Variants in PDZRN4 observed in about 807,000 individuals in gnomAD.
The protein encoded by PDZRN4 is PDZ domain containing ring finger 4.
In PDZRN4, 70 loss-of-function variants were observed where a neutral mutation model predicts 99.0. The ratio of observed to expected loss-of-function variants is 0.71; its 90% CI spans 0.58 to 0.86. PDZRN4 has a LOEUF of 0.86. Among genes scored for constraint, PDZRN4 ranks in the 40% least tolerant of loss-of-function variants. The pLI is 0.00. For missense variants in PDZRN4, 1,474 were observed against 1,331.2 expected, an observed-to-expected ratio of 1.11 and a Z score of -1.67; for synonymous variants, 551 against 501.6, an observed-to-expected ratio of 1.10 and a Z score of -1.32.
chr12:41,215,277 A>G (rs1462824096), intron 3 of PDZRN4, among the ~76,000 whole-genome samples: 1 of 152,066 alleles, frequency 6.6e-6, no homozygotes, highest in Non-Finnish European at 1.5e-5. Context: ...GTATTAACTA[A>G]GGACTTCTAG....
At chr12:41,215,350 A>G (rs1041648853) in intron 3 of PDZRN4, among the ~76,000 whole-genome samples, 11 of 152,044 alleles carry the variant, frequency 7.2e-5, no homozygotes, top group Non-Finnish European at 1.2e-4. Context: ...TACTTGTTAA[A>G]AACGCAGATT....
At chr12:41,393,707 T>A (rs779443212) in intron 3 of PDZRN4, among the ~76,000 whole-genome samples, 9 of 152,180 alleles carry the variant, frequency 5.9e-5, no homozygotes, top group Non-Finnish European at 1.0e-4. Flanking sequence ...GATTATTTTC[T>A]CTATGTAGGG....
intron 3 of PDZRN4, among the ~76,000 whole-genome samples, chr12:41,320,628 T>A (rs1951670434): frequency 6.6e-6 from 1 of 152,210 alleles, no homozygotes. Flanking sequence ...GACCTCAGGC[T>A]GTCCTGCAAT....
intron 3 of PDZRN4, among the ~76,000 whole-genome samples, chr12:41,366,095 G>A (rs1441058432): frequency 6.6e-6 from 1 of 152,122 alleles, no homozygotes; most frequent in South Asian, 2.1e-4. Flanking sequence ...AGAGATGAGA[G>A]CAAGGTATTT....
intron 5 of PDZRN4, among the ~76,000 whole-genome samples, chr12:41,530,075 T>C (rs1938635635): frequency 6.6e-6 from 1 of 152,236 alleles, no homozygotes; most frequent in African/African-American, 2.4e-5. Context: ...TATTATACTT[T>C]TAGAACAACG....
intron 3 of PDZRN4, among the ~76,000 whole-genome samples, chr12:41,383,046 A>T (rs1363366382): frequency 1.3e-5 from 2 of 152,204 alleles, no homozygotes; most frequent in Admixed American, 1.3e-4. Flanking sequence ...AGTGAATTCC[A>T]TTTTTATGAT....
chr12:41,557,371 T>C (rs1040636264), intron 7 of PDZRN4, among the ~76,000 whole-genome samples: 1 of 152,116 alleles, frequency 6.6e-6, no homozygotes, highest in African/African-American at 2.4e-5. Flanking sequence ...CTATTTCTCC[T>C]TGTTGGATAC....
At chr12:41,458,133 T>C (rs2120524915) in intron 3 of PDZRN4, among the ~76,000 whole-genome samples, 1 of 152,210 alleles carries the variant, frequency 6.6e-6, no homozygotes, top group South Asian at 2.1e-4. Flanking sequence ...ATCTAGAAGG[T>C]GTTAGTCTGA....
chr12:41,288,729 G>A (rs767101372), intron 3 of PDZRN4, among the ~76,000 whole-genome samples: 4 of 151,960 alleles, frequency 2.6e-5, no homozygotes, highest in African/African-American at 4.8e-5. Flanking sequence ...AATGGCCGTC[G>A]GTTCACCATG....
At chr12:41,533,730 G>T (rs547250434) in intron 5 of PDZRN4, among the ~76,000 whole-genome samples, 25 of 151,990 alleles carry the variant, frequency 1.6e-4, no homozygotes, top group African/African-American at 5.5e-4. Context: ...TGCAAGTGGT[G>T]GTGGTTCTTG....
chr12:41,224,119 G>C (rs1950977111), intron 3 of PDZRN4, among the ~76,000 whole-genome samples: 1 of 152,242 alleles, frequency 6.6e-6, no homozygotes, highest in Non-Finnish European at 1.5e-5. Flanking sequence ...GGTTGCATCT[G>C]AGAGGTCACC....
chr12:41,456,594 G>C (rs1471800391), intron 3 of PDZRN4, among the ~76,000 whole-genome samples: 2 of 152,176 alleles, frequency 1.3e-5, no homozygotes, highest in Non-Finnish European at 2.9e-5. Context: ...TAAAACAAGT[G>C]TTAGGGAATA....
chr12:41,561,523 A>T (rs995814014), intron 7 of PDZRN4, among the ~76,000 whole-genome samples: 1 of 150,178 alleles, frequency 6.7e-6, no homozygotes, highest in African/African-American at 2.4e-5. Context: ...AAGTATTTAG[A>T]TTAATGGTAA....
intron 3 of PDZRN4, among the ~76,000 whole-genome samples, chr12:41,480,394 G>A (rs563720214): frequency 2.2e-4 from 34 of 152,116 alleles, no homozygotes; most frequent in Non-Finnish European, 3.4e-4. Context: ...ATTATATTAC[G>A]AATATAGATG....
chr12:41,485,739 A>C (rs1419597959), intron 3 of PDZRN4, among the ~76,000 whole-genome samples: 1 of 152,214 alleles, frequency 6.6e-6, no homozygotes, highest in Non-Finnish European at 1.5e-5. Context: ...GTTCTCTGAC[A>C]TGATTAAAAT....
chr12:41,469,727 C>A lies in PDZRN4; in HGVS notation c.844-36729C>A, dbSNP rs56394503. On this transcript the variant is annotated intron_variant, in intron 3 of 9. Coordinates refer to ENST00000402685, the MANE Select transcript of PDZRN4 (RefSeq NM_001164595.2). ...GGGGCCGATCACGAGGTCAGGAGATCGAGACCATCCTGGCTAACACGGTGA... is the reference window on the plus strand; with the variant it reads ...GGGGCCGATCACGAGGTCAGGAGATAGAGACCATCCTGGCTAACACGGTGA... Among the ~76,000 whole-genome samples the A allele has an allele frequency of 6.6e-3, 1,008 of 152,000 alleles. 7 individuals carry two copies. The highest frequency in any genetic ancestry group is 0.011 in the Non-Finnish European group (745 of 67,950).
chr12:41,472,724 G>A (rs939180877), intron 3 of PDZRN4, among the ~76,000 whole-genome samples: 1 of 152,074 alleles, frequency 6.6e-6, no homozygotes, highest in Non-Finnish European at 1.5e-5. Flanking sequence ...TGGTTTTCTC[G>A]ATAAACATAT....
intron 3 of PDZRN4, among the ~76,000 whole-genome samples, chr12:41,197,795 C>T (rs535659353): frequency 7.2e-5 from 11 of 152,148 alleles, no homozygotes; most frequent in Admixed American, 1.3e-4. Flanking sequence ...TAGTTATCAT[C>T]ATGTTAGGAT....
At chr12:41,505,953 G>C (rs549709346) in intron 3 of PDZRN4, among the ~76,000 whole-genome samples, 1 of 152,108 alleles carries the variant, frequency 6.6e-6, no homozygotes, top group East Asian at 1.9e-4. Context: ...CAAACAGTGA[G>C]GATTTAGGAT....
Sources: gnomAD v4.1 joint callset for allele counts (sites outside exome capture counted in the v4.1 genomes callset) on GRCh38, gnomAD v4.1.1 for gene constraint, MANE v1.5 for transcripts, NCBI Gene and HGNC (gene_info 2026-07-23, HGNC 2026-07-21) for gene names.